Variants in ATM observed in about 807,000 individuals in gnomAD.
The protein encoded by ATM is serine-protein kinase ATM.
A neutral mutation model predicts 387.0 loss-of-function variants in ATM; 308 were observed. The ratio of observed to expected loss-of-function variants is 0.80; its 90% confidence interval spans 0.73 to 0.87. The LOEUF (loss-of-function observed/expected upper bound fraction) is 0.87, where lower values mean the gene tolerates loss of function less well. ATM is among the 40% of genes least tolerant of loss of function. The pLI, the probability that ATM is intolerant of heterozygous loss-of-function variation, is 0.00. For missense variants in ATM, 3,312 were observed against 3,560.9 expected (o/e 0.93, Z 1.78); for synonymous variants, 1,156 against 1,187.3 (o/e 0.97, Z 0.54).
At position 108,331,861 on chromosome 11, in the gene ATM, A is replaced by G. The variant is rs1236081666; in HGVS notation, c.7630-18A>G. 6.2e-7 allele frequency: 1 copy of G among 1,611,788 alleles called. No homozygotes were observed. The highest frequency in any genetic ancestry group is 1.3e-5 in the African/African-American group (1 of 74,838). ...TTTTTTGTTTATTTGCATAAATCTA[A>G]TAGTTCTTTTCTTACAGCTAATCTC... is the stretch of plus-strand genomic sequence containing the variant. On this transcript the variant is annotated intron_variant, in intron 51 of 62. Transcript: ENST00000675843.
rs145333518 is a variant in ATM at position 108,250,845 on chromosome 11, G to C, written c.1380G>C (p.Thr460=). The C allele has an allele frequency of 1.4e-4, 224 of 1,614,076 alleles. 1 individual carries two copies. In the African/African-American group the frequency reaches 2.4e-3, roughly 17 times the overall value. The change falls in exon 10 of 63, where the codon ACG becomes ACC. Residue 460 remains threonine (T), a synonymous_variant. Coordinates refer to ENST00000675843, the MANE Select transcript of ATM (RefSeq NM_000051.4). The part of the protein sequence containing the change: ...ERTPYVLRCL[T]EVALCQDKRS... ...CACCATATGTGTTACGATGCCTTAC[G>C]GAAGTTGCATTGTGTCAAGACAAGA...
chr11:108,314,256 C>A (rs1368374821), intron 40 of ATM, among the ~76,000 whole-genome samples: 1 of 152,094 alleles, frequency 6.6e-6, no homozygotes, highest in Non-Finnish European at 1.5e-5. Context: ...GCTGGGACTA[C>A]AGGCATGCCC....
At chr11:108,262,362 A>G (rs1040809353) in intron 16 of ATM, among the ~76,000 whole-genome samples, 19 of 152,206 alleles carry the variant, frequency 1.2e-4, no homozygotes, top group African/African-American at 4.6e-4. Flanking sequence ...TTCAACCCAG[A>G]ATTTCATGTC....
chr11:108,288,193 C>CCT (rs1276996549), intron 27 of ATM, among the ~76,000 whole-genome samples: 1 of 152,066 alleles, frequency 6.6e-6, no homozygotes, highest in Non-Finnish European at 1.5e-5. Flanking sequence ...TCCACCTCAG[C>CCT]CTCTCGAGTA....
chr11:108,241,306 G>A (rs897631050), intron 5 of ATM, among the ~76,000 whole-genome samples: 3 of 152,200 alleles, frequency 2.0e-5, no homozygotes, highest in African/African-American at 7.2e-5. Context: ...GAAGAAGGAG[G>A]AATATAGTAT....
rs773577455 is a variant in ATM at position 108,272,589 on chromosome 11, C to T, written c.3135C>T (p.Cys1045=). 3 of 1,613,634 alleles carry T rather than the reference C, an allele frequency of 1.9e-6. No homozygotes were observed. Among genetic ancestry groups the T allele is most frequent in the Non-Finnish European group, 2.5e-6 (3 of 1,179,700 alleles). ...CTGTAAGAATGGCCCTAGTAAATTG[C>T]CTTAAAACTTTGCTTGAGGTGAGTT... ...IFSVRMALVN[C]LKTLLEADPY... Residue 1045 remains cysteine, a synonymous_variant, in exon 21 of 63, where the codon TGC becomes TGT. Coordinates refer to ENST00000675843, the MANE Select transcript of ATM (RefSeq NM_000051.4).
At position 108,327,818 on chromosome 11, in the gene ATM, C is replaced by T. The variant is rs1053656503; in HGVS notation, c.7089+60C>T. On this transcript the variant is annotated intron_variant, in intron 48 of 62. Transcript: ENST00000675843. ...TTAGCATGAATATGCTTCATCTTTT[C>T]ATCAAGATCAATATATTTCCAAAGC... 12 of 1,219,796 alleles carry T rather than the reference C, an allele frequency of 9.8e-6. No individual in the cohort carries two copies. In the African/African-American group the frequency reaches 1.5e-4, roughly 15 times the overall value. 75.6% of individuals were successfully genotyped at this position (1,219,796 alleles called of 1,614,324 possible).
At chr11:108,283,372 A>G (rs1293017120) in intron 25 of ATM, among the ~76,000 whole-genome samples, 2 of 152,224 alleles carry the variant, frequency 1.3e-5, no homozygotes, top group East Asian at 3.8e-4. Context: ...ACTCTGTAGA[A>G]GAAAAATTTG....
chr11:108,322,646 T>A (rs1016261505), intron 45 of ATM, among the ~76,000 whole-genome samples: 3 of 152,212 alleles, frequency 2.0e-5, no homozygotes, highest in Non-Finnish European at 4.4e-5. Context: ...TTCTTTCCTT[T>A]TATCAAGATA....
chr11:108,302,454 G>A (rs1310134112), intron 35 of ATM, among the ~76,000 whole-genome samples: 1 of 152,060 alleles, frequency 6.6e-6, no homozygotes, highest in East Asian at 1.9e-4. Flanking sequence ...AATATAAACT[G>A]TTAATGAAAC....
intron 16 of ATM, among the ~76,000 whole-genome samples, chr11:108,264,912 A>AT (rs1461173366): frequency 1.8e-5 from 1 of 56,180 alleles, no homozygotes; most frequent in African/African-American, 7.5e-5. Context: ...ATACCTAGGA[A>AT]TCCAACTTAC....
chr11:108,253,831 A>G lies in ATM; in HGVS notation c.1916A>G (p.Asp639Gly), dbSNP rs1591533846. The G allele has an allele frequency of 6.2e-7, 1 of 1,613,700 alleles. No homozygotes were observed. Among genetic ancestry groups the G allele is most frequent in the Non-Finnish European group, 8.5e-7 (1 of 1,179,878 alleles). ...TCTTGAAGTGAACACCACCAAAAAG[A>G]TAAAGAAGAACTTTCATTCTCAGAA... Reference protein sequence around the residue: ...SVPECEHHQKDKEELSFSEVE... With the variant: ...SVPECEHHQKGKEELSFSEVE... The change falls in exon 13 of 63, where the codon GAT becomes GGT. Residue 639 changes from aspartate to glycine, a missense_variant. Asp to Gly is a moderately conservative substitution (Grantham distance 94). Coordinates refer to ENST00000675843, the MANE Select transcript of ATM (RefSeq NM_000051.4).
chr11:108,285,816 T>G (rs184749827), intron 26 of ATM, among the ~76,000 whole-genome samples: 24 of 152,290 alleles, frequency 1.6e-4, no homozygotes, highest in Non-Finnish European at 2.9e-4. Context: ...ATACTCAGCC[T>G]CTAGCCACTC....
intron 5 of ATM, among the ~76,000 whole-genome samples, chr11:108,242,013 C>G (rs908821612): frequency 7.9e-5 from 12 of 151,868 alleles, no homozygotes; most frequent in African/African-American, 2.9e-4. Flanking sequence ...AACCACCGTT[C>G]TCAGCTCCTC....
chr11:108,327,321 T>C (rs1381187658), intron 47 of ATM: 2 of 310,116 alleles, frequency 6.4e-6, no homozygotes, highest in Non-Finnish European at 1.2e-5. Flanking sequence ...ATTGGGGTAA[T>C]AATAGTACTT....
chr11:108,240,330 T>C (rs554382635), intron 5 of ATM, among the ~76,000 whole-genome samples: 75 of 152,340 alleles, frequency 4.9e-4, no homozygotes, highest in Non-Finnish European at 9.0e-4. Context: ...TCTTCCTTCT[T>C]GTAAACTGTG....
chr11:108,297,397 T>A lies in ATM; in HGVS notation c.5005+15T>A, dbSNP rs377355762. On this transcript the variant is annotated intron_variant, in intron 33 of 62. Coordinates refer to ENST00000675843, the MANE Select transcript of ATM (RefSeq NM_000051.4). The stretch of plus-strand genomic sequence containing the variant: ...AGAAGTTCTAGGTAAACTACAGTCA[T>A]GCGCTGCGTGACATTTCAGTCAACT... 50 of 1,574,856 alleles carry A rather than the reference T, an allele frequency of 3.2e-5. No homozygotes were observed. Among genetic ancestry groups the A allele is most frequent in the Non-Finnish European group, 1.0e-5 (12 of 1,144,452 alleles).
At chr11:108,311,224 C>G (rs767240703) in intron 39 of ATM, among the ~76,000 whole-genome samples, 38 of 152,250 alleles carry the variant, frequency 2.5e-4, no homozygotes, top group Middle Eastern at 3.4e-3. Context: ...GTCCTCCCAC[C>G]TCAGCCTTTC....
chr11:108,347,688 G>A (rs2088623918), intron 59 of ATM, among the ~76,000 whole-genome samples: 1 of 152,128 alleles, frequency 6.6e-6, no homozygotes, highest in African/African-American at 2.4e-5. Context: ...ATTTTAAGAT[G>A]TAGCATGTTG....
Sources: allele counts gnomAD v4.1 joint callset (sites outside exome capture counted in the v4.1 genomes callset), GRCh38; gene constraint gnomAD v4.1.1; transcripts MANE v1.5; gene names NCBI Gene and HGNC (gene_info 2026-07-23, HGNC 2026-07-21).